The following YBX3 variants were observed in gnomAD, a reference collection of about 807,000 sequenced individuals.
The protein encoded by YBX3 is Y-box binding protein 3.
Under a neutral mutation model 42.4 loss-of-function variants are expected in YBX3, and 29 were observed. The observed-to-expected ratio is 0.68, with a 90% CI of 0.51 to 0.93. The LOEUF is 0.93. YBX3 is among the 40% of genes least tolerant of loss of function. The probability of loss-of-function intolerance (pLI) is 0.00; values close to 1 mark genes in which losing one functional copy is unlikely to be tolerated. For missense variants in YBX3, 517 were observed against 527.5 expected (o/e 0.98, Z 0.19); for synonymous variants, 195 against 189.8 (o/e 1.03, Z -0.22).
chr12:10,715,412 G>A (rs942472940), intron 4 of YBX3, among the ~76,000 whole-genome samples: 8 of 151,924 alleles, frequency 5.3e-5, no homozygotes, highest in Admixed American at 5.2e-4. Flanking sequence ...CGGGCGTGGT[G>A]GTGGATGCCT....
intron 5 of YBX3, 153 bp downstream of exon 5, chr12:10,713,058 T>G: frequency 2.8e-6 from 3 of 1,074,018 alleles, no homozygotes; most frequent in Non-Finnish European, 2.6e-6. Context: ...TTTTAAAAAA[T>G]AAGATAAAAA....
chr12:10,701,126 C>G, intron 9 of YBX3, 128 bp downstream of exon 9: 1 of 605,232 alleles, frequency 1.7e-6, no homozygotes, highest in Non-Finnish European at 3.0e-6. Flanking sequence ...CCACAGAGTC[C>G]CAATAGAGAC....
chr12:10,705,120 A>C (rs1405150720), intron 6 of YBX3, among the ~76,000 whole-genome samples: 1 of 152,092 alleles, frequency 6.6e-6, no homozygotes, highest in East Asian at 1.9e-4. Flanking sequence ...TTTGAGATGG[A>C]GTCTCACTCT....
chr12:10,715,875 A>ATC (rs1038592573), intron 3 of YBX3, 92 bp from the exon 4 acceptor site: 2 of 1,072,882 alleles, frequency 1.9e-6, no homozygotes, highest in African/African-American at 3.2e-5. Context: ...GAACTTGAAG[A>ATC]AACTGTTGAC....
intron 7 of YBX3, chr12:10,702,845 A>C (rs1332891507): frequency 6.6e-6 from 1 of 152,236 alleles, no homozygotes; most frequent in Non-Finnish European, 1.5e-5. Flanking sequence ...AGCCTGTGCT[A>C]GTCGGTTTTA....
intron 1 of YBX3, among the ~76,000 whole-genome samples, chr12:10,720,492 C>G (rs554480861): frequency 6.6e-6 from 1 of 150,744 alleles, no homozygotes; most frequent in East Asian, 2.1e-4. Context: ...GGCCATCTTA[C>G]GTTTGAGGCC....
At chr12:10,715,632 A>G in intron 4 of YBX3, 62 bp downstream of exon 4, 2 of 1,397,304 alleles carry the variant, frequency 1.4e-6, no homozygotes, top group Admixed American at 1.7e-5. Flanking sequence ...GCTGATAGAT[A>G]ATTTATTGTG....
chr12:10,706,654 C>T (rs1291188388), intron 6 of YBX3, among the ~76,000 whole-genome samples: 1 of 152,064 alleles, frequency 6.6e-6, no homozygotes, highest in African/African-American at 2.4e-5. Flanking sequence ...ATCCTAGGAC[C>T]CTATTTCCAC....
In YBX3 at chr12:10,723,261, C is replaced by T. The variant is rs1948357703; in HGVS notation, c.-150G>A. 2.6e-6 allele frequency: 3 copies of T among 1,139,736 alleles called. No individual in the cohort carries two copies. The highest frequency in any genetic ancestry group is 4.7e-5 in the Admixed American group (1 of 21,402). 70.6% of individuals were successfully genotyped at this position (1,139,736 alleles called of 1,614,324 possible). A position where few individuals can be genotyped will look rare whatever the true frequency, so the allele number is the denominator to read the frequency against. Reference sequence around the variant, plus strand: ...CGGCGGCGGCCGAGGTGGGGTCGCGCGGCGGAGGCGGCTCGAGCTTCGTGC... The same window carrying T: ...CGGCGGCGGCCGAGGTGGGGTCGCGTGGCGGAGGCGGCTCGAGCTTCGTGC... On this transcript the variant is annotated 5_prime_UTR_variant, in exon 1 of 10. Coordinates refer to ENST00000228251, the MANE Select transcript of YBX3 (RefSeq NM_003651.5).
At chr12:10,702,260 C>T in intron 7 of YBX3, 126 bp from the exon 8 acceptor site, 1 of 918,246 alleles carries the variant, frequency 1.1e-6, no homozygotes, top group African/African-American at 1.7e-5. Context: ...ATGGCTCACC[C>T]CTGTAATCCC....
chr12:10,712,147 A>T (rs1198532475), intron 5 of YBX3: 1 of 152,230 alleles, frequency 6.6e-6, no homozygotes, highest in East Asian at 1.9e-4. Context: ...CTATCAAAAC[A>T]TAAAGATAGG....
chr12:10,722,320 T>TG (rs1948336284), intron 1 of YBX3: 1 of 152,328 alleles, frequency 6.6e-6, no homozygotes, highest in Admixed American at 6.5e-5. Context: ...GACAGACACC[T>TG]GACCCTTCCT....
intron 6 of YBX3, among the ~76,000 whole-genome samples, chr12:10,706,377 C>T (rs775698586): frequency 6.6e-6 from 1 of 152,214 alleles, no homozygotes; most frequent in Non-Finnish European, 1.5e-5. Flanking sequence ...ACCACCACTA[C>T]AGAAACCTCA....
chr12:10,704,144 C>A lies in YBX3; in HGVS notation c.785G>T (p.Gly262Val), dbSNP rs777199498. Residue 262 changes from glycine (G) to valine (V), a missense_variant, in exon 7 of 10, where the codon GGT becomes GTT. Gly to Val is a moderately radical substitution (Grantham distance 109). Transcript: ENST00000228251. ...TCCATCCTTCATCTCTCCAATCTCA[C>A]CAGCCTGGAGAGGCAATGAGAGCTG... ...VLPHPNRIQA[G>V]EIGEMKDGVP... 1.2e-6 allele frequency: 2 copies of A among 1,613,806 alleles called. No homozygotes were observed. The highest frequency in any genetic ancestry group is 2.7e-5 in the African/African-American group (2 of 74,918).
At chr12:10,718,169 A>C in intron 2 of YBX3, 48 bp from the exon 3 acceptor site, 1 of 1,569,114 alleles carries the variant, frequency 6.4e-7, no homozygotes, top group South Asian at 1.2e-5. Context: ...CGTATGTGGA[A>C]AAACTTAAAA....
rs1948076511 is a variant in YBX3, at chr12:10,701,339, T to C, written c.1068A>G (p.Glu356=). Reference sequence around the variant, plus strand: ...GTGGAGCAGGGTTCTCAGTTGGTGCTTCACCTGCCTTGGCCTAAAATGCAA... The same window carrying C: ...GTGGAGCAGGGTTCTCAGTTGGTGCCTCACCTGCCTTGGCCTAAAATGCAA... The part of the protein sequence containing the change: ...SQDGKEAKAG[E]APTENPAPPT... Residue 356 remains glutamate, a synonymous_variant, in exon 9 of 10, where the codon GAA becomes GAG. Coordinates refer to ENST00000228251, the MANE Select transcript of YBX3 (RefSeq NM_003651.5). 1.3e-6 allele frequency: 1 copy of C among 780,908 alleles called. No individual in the cohort carries two copies. Among genetic ancestry groups the C allele is most frequent in the African/African-American group, 1.7e-5 (1 of 59,120 alleles). 48.4% of individuals were successfully genotyped at this position (780,908 alleles called of 1,614,324 possible).
At chr12:10,709,592 G>A (rs546317847) in intron 6 of YBX3, among the ~76,000 whole-genome samples, 1 of 152,206 alleles carries the variant, frequency 6.6e-6, no homozygotes, top group Non-Finnish European at 1.5e-5. Flanking sequence ...TTCAAATCCA[G>A]CCTGACTTCA....
chr12:10,703,830 T>A, intron 7 of YBX3: 1 of 500,862 alleles, frequency 2.0e-6, no homozygotes, highest in South Asian at 3.1e-5. Flanking sequence ...CTTATTATAA[T>A]TCCAGAATAC....
At chr12:10,718,822 C>T (rs1172653784) in intron 2 of YBX3, among the ~76,000 whole-genome samples, 1 of 152,130 alleles carries the variant, frequency 6.6e-6, no homozygotes, top group African/African-American at 2.4e-5. Context: ...ATCCTAAGGC[C>T]CTTCCCATTT....
Sources: gnomAD v4.1 joint callset for allele counts (sites outside exome capture counted in the v4.1 genomes callset) on GRCh38, gnomAD v4.1.1 for gene constraint, MANE v1.5 for transcripts, NCBI Gene and HGNC (gene_info 2026-07-23, HGNC 2026-07-21) for gene names.